Variants in TTN observed in about 807,000 individuals in gnomAD.
TTN encodes titin, also known as connectin.
In TTN, 1,525 loss-of-function variants were observed where a neutral mutation model predicts 3,223.0. That is an observed-to-expected ratio of 0.47 (90% CI 0.45 to 0.49). TTN has a LOEUF of 0.49. Among genes scored for constraint, TTN ranks in the 20% least tolerant of loss-of-function variants. The probability of loss-of-function intolerance (pLI) is 0.00; values close to 1 mark genes in which losing one functional copy is unlikely to be tolerated. For synonymous variants in TTN, 14,094 were observed against 15,161.0 expected (o/e 0.93, Z 5.17); for missense variants, 40,786 against 43,424.0 (o/e 0.94, Z 5.40).
Position 178,573,183 on chromosome 2 carries a change from C to A in TTN, c.72949G>T (p.Ala24317Ser). The change falls in exon 326 of 363, where the codon GCT becomes TCT. Residue 24317 changes from alanine to serine, a missense_variant. Coordinates refer to ENST00000589042, the MANE Select transcript of TTN (RefSeq NM_001267550.2). ...CCAGGTTTAAACACAGTGTCACAAG[C>A]CTTGTAAAATGGACTGGTAGGACTT... ...APSPTSPFYKACDTVFKPGPP... is the reference protein window; with the variant it reads ...APSPTSPFYKSCDTVFKPGPP... The A allele has an allele frequency of 6.2e-7, 1 of 1,610,660 alleles. No individual in the cohort carries two copies. Among genetic ancestry groups the A allele is most frequent in the Non-Finnish European group, 8.5e-7 (1 of 1,177,998 alleles).
At position 178,729,660 on chromosome 2, in the gene TTN, G is replaced by A. The variant is rs1449021840; in HGVS notation, c.18589+4C>T. ...AAAATGGAGAATAGATTCCATTCACGAACCTTTCACTTTGAGTTCAATGCT... is the reference window on the plus strand; with the variant it reads ...AAAATGGAGAATAGATTCCATTCACAAACCTTTCACTTTGAGTTCAATGCT... On this transcript the variant is annotated splice_donor_region_variant and intron_variant, in intron 63 of 362. Coordinates refer to ENST00000589042, the MANE Select transcript of TTN (RefSeq NM_001267550.2). The A allele has an allele frequency of 6.2e-6, 10 of 1,613,500 alleles. No individual in the cohort carries two copies. Among genetic ancestry groups the A allele is most frequent in the South Asian group, 2.2e-5 (2 of 91,070 alleles).
chr2:178,717,013 C>T (rs2077585715), intron 88 of TTN, 82 bp downstream of exon 88: 1 of 1,457,298 alleles, frequency 6.9e-7, no homozygotes, highest in Non-Finnish European at 9.2e-7. Context: ...AAACATAGCT[C>T]TCTCTCAAGC....
At position 178,534,109 on chromosome 2, in the gene TTN, G is replaced by A. The variant is rs1410488429; in HGVS notation, c.102506C>T (p.Thr34169Ile). 1.9e-6 allele frequency: 3 copies of A among 1,613,946 alleles called. No individual in the cohort carries two copies. The highest frequency in any genetic ancestry group is 1.7e-6 in the Non-Finnish European group (2 of 1,179,858). ...IENYDQSTQVTWYFGVRQLEN... is the reference protein window; with the variant it reads ...IENYDQSTQVIWYFGVRQLEN... Reference sequence around the variant, plus strand: ...CAGCTGTCGGACGCCAAAGTACCAAGTCACTTGGGTAGACTGATCATAATT... The same window carrying A: ...CAGCTGTCGGACGCCAAAGTACCAAATCACTTGGGTAGACTGATCATAATT... The change falls in exon 358 of 363, where the codon ACT (threonine) becomes ATT (isoleucine). Residue 34169 changes from threonine to isoleucine, a missense_variant. By Grantham distance (89) the Thr-to-Ile change is moderately conservative. Transcript: ENST00000589042.
Position 178,549,139 on chromosome 2 carries a change from T to A in TTN, c.92487A>T (p.Lys30829Asn), listed in dbSNP as rs764294218. ...VNPPGPPTVV[K>N]VTDTSKTTVS... ...CAGTTGTCTTTGATGTGTCTGTTAC[T>A]TTGACCACTGTGGGAGGACCTGGTG... Residue 30829 changes from lysine (K) to asparagine (N), a missense_variant, in exon 339 of 363, where the codon AAA becomes AAT. Coordinates refer to ENST00000589042, the MANE Select transcript of TTN (RefSeq NM_001267550.2). 3 of 1,613,874 alleles carry A rather than the reference T, an allele frequency of 1.9e-6. No individual in the cohort carries two copies. The highest frequency in any genetic ancestry group is 2.5e-6 in the Non-Finnish European group (3 of 1,179,838).
At chr2:178,793,765 A>T (rs1482968626) in intron 8 of TTN, among the ~76,000 whole-genome samples, 1 of 152,114 alleles carries the variant, frequency 6.6e-6, no homozygotes, top group Non-Finnish European at 1.5e-5. Context: ...ATGCCACTGC[A>T]CTCTAGCCTG....
At chr2:178,621,024 G>A in intron 246 of TTN, 31 bp from the exon 247 acceptor site, 2 of 1,605,568 alleles carry the variant, frequency 1.2e-6, no homozygotes, top group Non-Finnish European at 1.7e-6. Context: ...TTTATAGTAT[G>A]AATAATGATC....
rs745893362 is a variant in TTN, at chr2:178,538,809, A to C, written c.99020T>G (p.Ile33007Ser). The C allele has an allele frequency of 2.5e-6, 4 of 1,610,860 alleles. No individual in the cohort carries two copies. In the African/African-American group the frequency reaches 5.3e-5, roughly 22 times the overall value. The change falls in exon 354 of 363, where the codon ATT (isoleucine) becomes AGT (serine). Residue 33007 changes from isoleucine to serine, a missense_variant. Transcript: ENST00000589042. ...GACACTATCTTTGGATATTGAAAGA[A>C]TCTCAAGTTCTCCTGGTTGGCTTGG... is the stretch of plus-strand genomic sequence containing the variant. ...DKPSQPGELE[I>S]LSISKDSVTL...
In TTN at chr2:178,640,596, C is replaced by A; in HGVS notation, c.40668G>T (p.Glu13556Asp). ...PEPPPPKPVE[E>D]VEVPTVTKRE... ...TTTTTGTAACAGTAGGTACTTCAACCTCTTCAACAGGTTTTGGAGGTGGTG... is the reference window on the plus strand; with the variant it reads ...TTTTTGTAACAGTAGGTACTTCAACATCTTCAACAGGTTTTGGAGGTGGTG... Residue 13556 changes from glutamate to aspartate, a missense_variant, in exon 221 of 363, where the codon GAG becomes GAT. Glu to Asp is a conservative substitution (Grantham distance 45). Coordinates refer to ENST00000589042, the MANE Select transcript of TTN (RefSeq NM_001267550.2). 1.3e-6 allele frequency: 2 copies of A among 1,594,354 alleles called. No homozygotes were observed. The highest frequency in any genetic ancestry group is 2.3e-5 in the East Asian group (1 of 43,376).
At position 178,601,146 on chromosome 2, in the gene TTN, G is replaced by A. The variant is rs1553671369; in HGVS notation, c.55758C>T (p.Leu18586=). 4 of 1,545,750 alleles carry A rather than the reference G, an allele frequency of 2.6e-6. No individual in the cohort carries two copies. Among genetic ancestry groups the A allele is most frequent in the Admixed American group, 2.1e-5 (1 of 48,730 alleles). The change falls in exon 288 of 363, where the codon CTC becomes CTT. Residue 18586 remains leucine, a synonymous_variant. Coordinates refer to ENST00000589042, the MANE Select transcript of TTN (RefSeq NM_001267550.2). ...PIYPPDPPIK[L]KIGLITKNTV... Reference sequence around the variant, plus strand: ...TGTTCTTTGTGATGAGGCCAATCTTGAGTTTAATAGGAGGATCAGGAGGAT... The same window carrying A: ...TGTTCTTTGTGATGAGGCCAATCTTAAGTTTAATAGGAGGATCAGGAGGAT...
chr2:178,632,427 A>G lies in TTN; in HGVS notation c.43481-14T>C. The G allele has an allele frequency of 1.3e-6, 2 of 1,574,074 alleles. No individual in the cohort carries two copies. The highest frequency in any genetic ancestry group is 2.4e-5 in the South Asian group (2 of 83,740). ...TGAGCCGGATTCCTATCAAGAAAAA[A>G]AAGAAAGAACTTATTAATTGAAGCA... On this transcript the variant is annotated splice_polypyrimidine_tract_variant and intron_variant, in intron 235 of 362. Transcript: ENST00000589042.
intron 281 of TTN, 129 bp downstream of exon 281, chr2:178,604,579 A>T (rs1333971999): frequency 1.9e-6 from 2 of 1,065,006 alleles, no homozygotes; most frequent in Non-Finnish European, 2.6e-6. Flanking sequence ...AAACACTACA[A>T]TAACAAAATA....
chr2:178,569,087 C>A lies in TTN; in HGVS notation c.77045G>T (p.Gly25682Val). ...AGCAGTCTGGGCAGGAAGGCCAATA[C>A]CATACTCATTCTCAGCTGTGACTCT... The part of the protein sequence containing the change: ...YFRVTAENEY[G>V]IGLPAQTADP... Residue 25682 changes from glycine to valine, a missense_variant, in exon 326 of 363, where the codon GGT becomes GTT. By Grantham distance (109) the Gly-to-Val change is moderately radical. Coordinates refer to ENST00000589042, the MANE Select transcript of TTN (RefSeq NM_001267550.2). 2 of 1,613,402 alleles carry A rather than the reference C, an allele frequency of 1.2e-6. No individual in the cohort carries two copies. Among genetic ancestry groups the A allele is most frequent in the Non-Finnish European group, 1.7e-6 (2 of 1,179,562 alleles).
At chr2:178,678,389 T>C (rs771347998) in intron 144 of TTN, 25 bp downstream of exon 144, 1 of 1,564,782 alleles carries the variant, frequency 6.4e-7, no homozygotes, top group Non-Finnish European at 8.7e-7. Context: ...TTCCCCCAAG[T>C]ACTCTAAGTG....
Position 178,779,284 on chromosome 2 carries a change from A to G in TTN, c.3908T>C (p.Leu1303Pro), listed in dbSNP as rs1407839718. ...FDSRIKNYRI[L>P]EGMGVTFHCK... is the part of the protein sequence containing the mutation. ...ATGAAAAGTGACACCCATCCCCTCA[A>G]GAATTCTATAATTCTTGATTCTTGA... Residue 1303 changes from leucine (L) to proline (P), a missense_variant, in exon 23 of 363, where the codon CTT becomes CCT. Transcript: ENST00000589042. 1.2e-6 allele frequency: 2 copies of G among 1,613,816 alleles called. No individual in the cohort carries two copies. The highest frequency in any genetic ancestry group is 4.5e-5 in the East Asian group (2 of 44,842).
intron 213 of TTN, among the ~76,000 whole-genome samples, chr2:178,649,005 A>T (rs2062471354): frequency 6.6e-6 from 1 of 152,158 alleles, no homozygotes; most frequent in Non-Finnish European, 1.5e-5. Flanking sequence ...TGTTTTACAC[A>T]TTGAATGAGA....
rs1553875406 is a variant in TTN at position 178,702,460 on chromosome 2, C to T, written c.30427G>A (p.Asp10143Asn). Residue 10143 changes from aspartate (D) to asparagine (N), a missense_variant, in exon 107 of 363, where the codon GAT becomes AAT. Asp to Asn is a conservative substitution (Grantham distance 23). Coordinates refer to ENST00000589042, the MANE Select transcript of TTN (RefSeq NM_001267550.2). ...AAACTGTCAATGAAATCACCTTCATCGTCTGGGGTCACATTGTGGATGGTC... is the reference window on the plus strand; with the variant it reads ...AAACTGTCAATGAAATCACCTTCATTGTCTGGGGTCACATTGTGGATGGTC... ...YMTIHNVTPD[D>N]EGVYSVIARL... The T allele has an allele frequency of 6.2e-7, 1 of 1,613,762 alleles. No individual in the cohort carries two copies.
At position 178,609,800 on chromosome 2, in the gene TTN, G is replaced by A; in HGVS notation, c.51623C>T (p.Thr17208Ile). The A allele has an allele frequency of 2.5e-6, 4 of 1,612,860 alleles. No homozygotes were observed. The highest frequency in any genetic ancestry group is 3.4e-6 in the Non-Finnish European group (4 of 1,179,212). ...TTTCCCCTCTTCAAGTCCTTTTGCT[G>A]TATAGGTCAGGATTGGTACCAGGTG... Reference protein sequence around the residue: ...NEHLVPILTYTAKGLEEGKEY... With the variant: ...NEHLVPILTYIAKGLEEGKEY... The change falls in exon 272 of 363, where the codon ACA (threonine) becomes ATA (isoleucine). Residue 17208 changes from threonine (T) to isoleucine (I), a missense_variant. Transcript: ENST00000589042.
At chr2:178,707,462 A>G (rs905986132) in intron 100 of TTN, 64 bp downstream of exon 100, 2 of 1,485,018 alleles carry the variant, frequency 1.3e-6, no homozygotes, top group African/African-American at 2.8e-5. Context: ...GGGAAATCAT[A>G]ATAAGCAAAT....
Position 178,734,547 on chromosome 2 carries a change from G to T in TTN, c.15277C>A (p.Leu5093Ile). 6.2e-7 allele frequency: 1 copy of T among 1,607,924 alleles called. No individual in the cohort carries two copies. The highest frequency in any genetic ancestry group is 8.5e-7 in the Non-Finnish European group (1 of 1,176,248). ...GTGCCTGAGACTTCACACTGAAGTAGAGCATTTGTTCCTCTCACTATGTCT... is the reference window on the plus strand; with the variant it reads ...GTGCCTGAGACTTCACACTGAAGTATAGCATTTGTTCCTCTCACTATGTCT... The part of the protein sequence containing the change: ...PADIVRGTNA[L>I]LQCEVSGTGP... Residue 5093 changes from leucine to isoleucine, a missense_variant, in exon 52 of 363, where the codon CTA becomes ATA. Transcript: ENST00000589042.
Sources: allele counts gnomAD v4.1 joint callset (sites outside exome capture counted in the v4.1 genomes callset), GRCh38; gene constraint gnomAD v4.1.1; transcripts MANE v1.5; gene names NCBI Gene and HGNC (gene_info 2026-07-23, HGNC 2026-07-21).